The following MACROD2 variants were observed in gnomAD, a reference collection of about 807,000 sequenced individuals.
MACROD2 encodes the protein ADP-ribose glycohydrolase MACROD2.
Under a neutral mutation model 70.4 loss-of-function variants are expected in MACROD2, and 36 were observed. The ratio of observed to expected loss-of-function variants is 0.51; its 90% CI spans 0.39 to 0.68. The LOEUF is 0.68. Ranked by LOEUF, MACROD2 falls within the 30% of genes least tolerant of loss-of-function variation. The pLI is 0.00. For missense variants in MACROD2, 496 were observed against 538.4 expected, an observed-to-expected ratio of 0.92 and a Z score of 0.78; for synonymous variants, 172 against 178.8, an observed-to-expected ratio of 0.96 and a Z score of 0.30.
chr20:14,038,724 A>G (rs2053351187), intron 2 of MACROD2, among the ~76,000 whole-genome samples: 1 of 152,218 alleles, frequency 6.6e-6, no homozygotes, highest in African/African-American at 2.4e-5. Flanking sequence ...TAGAAAAGGT[A>G]AAGTTGTTGT....
chr20:14,778,381 G>A lies in MACROD2; in HGVS notation c.418+93422G>A, dbSNP rs6110427. On this transcript the variant is annotated intron_variant, in intron 5 of 17. Transcript: ENST00000684519. Reference sequence around the variant, plus strand: ...AGGCAAGCTGAGCTTAGACAACTCCGTGCCTTTGTTGTCCCCTCACCTCAT... The same window carrying A: ...AGGCAAGCTGAGCTTAGACAACTCCATGCCTTTGTTGTCCCCTCACCTCAT... Among the ~76,000 whole-genome samples the A allele has an allele frequency of 2.6e-5, 4 of 151,964 alleles. No homozygotes were observed. In the South Asian group the frequency reaches 8.3e-4, roughly 32 times the overall value.
chr20:14,566,891 T>A (rs909543859), intron 4 of MACROD2: 1 of 151,868 alleles, frequency 6.6e-6, no homozygotes, highest in African/African-American at 2.4e-5. Flanking sequence ...AATGTCTTTT[T>A]AAAGCAATCT....
At chr20:15,025,536 A>G (rs373686330) in intron 5 of MACROD2, among the ~76,000 whole-genome samples, 33 of 152,192 alleles carry the variant, frequency 2.2e-4, no homozygotes, top group African/African-American at 7.5e-4. Flanking sequence ...TACTCCTTTC[A>G]CCATCCTCAG....
At chr20:15,631,605 C>T (rs970155658) in intron 8 of MACROD2, among the ~76,000 whole-genome samples, 1 of 152,124 alleles carries the variant, frequency 6.6e-6, no homozygotes. Context: ...TGAACCATTA[C>T]AGTACTTTTT....
intron 6 of MACROD2, among the ~76,000 whole-genome samples, chr20:15,244,604 T>C (rs1431605132): frequency 6.6e-6 from 1 of 152,182 alleles, no homozygotes; most frequent in Non-Finnish European, 1.5e-5. Flanking sequence ...ACTGCAAGTG[T>C]ATCATTCCAG....
At chr20:15,574,136 T>C (rs1399621347) in intron 8 of MACROD2, among the ~76,000 whole-genome samples, 2 of 152,140 alleles carry the variant, frequency 1.3e-5, no homozygotes, top group Admixed American at 1.3e-4. Context: ...TGCTATTTCA[T>C]AAAATTCCAA....
chr20:14,935,187 C>T (rs576501440), intron 5 of MACROD2: 2 of 152,112 alleles, frequency 1.3e-5, no homozygotes, highest in South Asian at 4.2e-4. Flanking sequence ...TGTTTCTATT[C>T]TTCCACTGAA....
chr20:15,646,268 C>T (rs2049539483), intron 8 of MACROD2, among the ~76,000 whole-genome samples: 3 of 152,264 alleles, frequency 2.0e-5, no homozygotes, highest in African/African-American at 7.2e-5. Flanking sequence ...ACTGGTTTTA[C>T]AATATCACCT....
chr20:15,231,088 A>G (rs950414017), intron 6 of MACROD2, among the ~76,000 whole-genome samples: 2 of 152,130 alleles, frequency 1.3e-5, no homozygotes, highest in African/African-American at 2.4e-5. Context: ...CTTTTTGTGC[A>G]TGATTGTAAT....
chr20:15,457,473 A>G (rs1349761079), intron 7 of MACROD2, among the ~76,000 whole-genome samples: 1 of 152,144 alleles, frequency 6.6e-6, no homozygotes, highest in African/African-American at 2.4e-5. Context: ...TAACTGAAAT[A>G]TCCCAGGTGG....
At chr20:15,361,179 T>G (rs6074881) in intron 6 of MACROD2, among the ~76,000 whole-genome samples, 13,668 of 152,276 alleles carry the variant, frequency 0.09, 776 homozygotes, top group Non-Finnish European at 0.13. Flanking sequence ...TACTAAAAAT[T>G]TCATAGTTTT....
intron 6 of MACROD2, among the ~76,000 whole-genome samples, chr20:15,382,183 A>G (rs545395867): frequency 1.3e-5 from 2 of 152,262 alleles, no homozygotes; most frequent in African/African-American, 4.8e-5. Context: ...TTGAGAAAAA[A>G]AGATTAAAAA....
At chr20:14,238,192 A>G (rs1042509412) in intron 3 of MACROD2, among the ~76,000 whole-genome samples, 1 of 152,154 alleles carries the variant, frequency 6.6e-6, no homozygotes, top group African/African-American at 2.4e-5. Context: ...TTCAAAAGCT[A>G]ATCCACCACG....
At chr20:15,371,048 A>G (rs1411436830) in intron 6 of MACROD2, among the ~76,000 whole-genome samples, 3 of 152,138 alleles carry the variant, frequency 2.0e-5, no homozygotes, top group Non-Finnish European at 2.9e-5. Context: ...TTCCATCCAC[A>G]GGTTACCTGG....
At chr20:15,124,674 A>T (rs2076054252) in intron 5 of MACROD2, among the ~76,000 whole-genome samples, 1 of 151,992 alleles carries the variant, frequency 6.6e-6, no homozygotes, top group South Asian at 2.1e-4. Flanking sequence ...TTTAAATATA[A>T]TTTTATAGCA....
At chr20:14,487,889 C>T (rs752113159) in intron 3 of MACROD2, among the ~76,000 whole-genome samples, 15 of 151,994 alleles carry the variant, frequency 9.9e-5, no homozygotes, top group Non-Finnish European at 1.6e-4. Flanking sequence ...TGTAATAAAC[C>T]TTTTTAAAAA....
At chr20:14,307,714 G>T (rs937176220) in intron 3 of MACROD2, among the ~76,000 whole-genome samples, 5 of 151,844 alleles carry the variant, frequency 3.3e-5, no homozygotes, top group African/African-American at 1.2e-4. Context: ...ATTACCAACG[G>T]TCTTTGAAAT....
intron 5 of MACROD2, among the ~76,000 whole-genome samples, chr20:15,118,481 A>T (rs1359585404): frequency 6.6e-6 from 1 of 152,108 alleles, no homozygotes; most frequent in Non-Finnish European, 1.5e-5. Context: ...ATGAGCCACC[A>T]TGCCCAGCCT....
chr20:15,450,349 T>C (rs1272590255), intron 7 of MACROD2, among the ~76,000 whole-genome samples: 1 of 152,042 alleles, frequency 6.6e-6, no homozygotes, highest in Non-Finnish European at 1.5e-5. Flanking sequence ...TACATAACTT[T>C]AAAGAAACAT....
Sources: allele counts gnomAD v4.1 joint callset (sites outside exome capture counted in the v4.1 genomes callset), GRCh38; gene constraint gnomAD v4.1.1; transcripts MANE v1.5; gene names NCBI Gene and HGNC (gene_info 2026-07-23, HGNC 2026-07-21).